FRMPD4: variants seen among roughly 807,000 people sequenced by gnomAD.
FRMPD4 encodes the protein FERM and PDZ domain containing 4, also known as FERM and PDZ domain-containing protein 4.
In FRMPD4, 22 loss-of-function variants were observed where a neutral mutation model predicts 94.1. The ratio of observed to expected loss-of-function variants is 0.23; its 90% CI spans 0.17 to 0.33. FRMPD4 has a LOEUF of 0.33. FRMPD4 is among the 10% of genes least tolerant of loss of function. The pLI is 1.00. For synonymous variants in FRMPD4, 631 were observed against 548.6 expected, an observed-to-expected ratio of 1.15 and a Z score of -2.10; for missense variants, 1,111 against 1,339.9, an observed-to-expected ratio of 0.83 and a Z score of 2.67.
At chrX:12,388,111 G>A (rs778968257) in intron 1 of FRMPD4, among the ~76,000 whole-genome samples, 1 of 111,342 alleles carries the variant, frequency 9.0e-6, no homozygotes, top group African/African-American at 3.3e-5. Context: ...GTATTCACTG[G>A]GAAGGCATAA....
chrX:12,099,674 G>A (rs1012760031), intron 3 of FRMPD4, among the ~76,000 whole-genome samples: 12 of 112,244 alleles, frequency 1.1e-4, no homozygotes, highest in Non-Finnish European at 2.1e-4. Context: ...TTTGGACACT[G>A]TATTACGGAA....
intron 1 of FRMPD4, among the ~76,000 whole-genome samples, chrX:12,164,782 C>A (rs909901771): frequency 1.8e-5 from 2 of 112,525 alleles, no homozygotes; most frequent in Non-Finnish European, 3.8e-5. Context: ...TTTTGATTTG[C>A]ATTTCTCTGA....
intron 1 of FRMPD4, among the ~76,000 whole-genome samples, chrX:12,422,862 T>C (rs1437193663): frequency 9.0e-6 from 1 of 111,709 alleles, no homozygotes; most frequent in Admixed American, 9.5e-5. Context: ...CTTGCACCTG[T>C]TAAAAGGCAG....
chrX:11,873,736 A>G (rs766946612), intron 2 of FRMPD4, among the ~76,000 whole-genome samples: 2 of 110,664 alleles, frequency 1.8e-5, no homozygotes, highest in African/African-American at 6.6e-5. Flanking sequence ...GAAGAAATTA[A>G]CAAGCTAATT....
At chrX:12,056,168 G>A (rs1225204449) in intron 3 of FRMPD4, among the ~76,000 whole-genome samples, 3 of 112,086 alleles carry the variant, frequency 2.7e-5, no homozygotes, top group African/African-American at 9.7e-5. Context: ...CCATTTGCCA[G>A]CAGAAGCTTT....
chrX:11,894,393 C>A (rs2053891222), intron 3 of FRMPD4, among the ~76,000 whole-genome samples: 1 of 112,342 alleles, frequency 8.9e-6, no homozygotes, highest in African/African-American at 3.2e-5. Context: ...TGTTTAGTCT[C>A]CAAATAGGGC....
chrX:12,079,042 C>T (rs2055042124), intron 3 of FRMPD4, among the ~76,000 whole-genome samples: 1 of 111,190 alleles, frequency 9.0e-6, no homozygotes, highest in Non-Finnish European at 1.9e-5. Context: ...TGTGAGTCTC[C>T]CACTGCATTA....
chrX:12,147,200 C>T (rs2055781011), intron 1 of FRMPD4, among the ~76,000 whole-genome samples: 1 of 112,077 alleles, frequency 8.9e-6, no homozygotes, highest in Admixed American at 9.4e-5. Flanking sequence ...TTCCATGTGA[C>T]ATTATAGTTC....
chrX:12,637,840 G>A (rs182504107), intron 4 of FRMPD4, among the ~76,000 whole-genome samples: 14 of 111,892 alleles, frequency 1.3e-4, no homozygotes, highest in Non-Finnish European at 1.9e-4. Context: ...GCCATCAACT[G>A]GATACACAGG....
intron 2 of FRMPD4, among the ~76,000 whole-genome samples, chrX:12,511,117 C>T (rs866773152): frequency 4.5e-5 from 5 of 111,677 alleles, no homozygotes; most frequent in Non-Finnish European, 9.4e-5. Context: ...GAATCTATCG[C>T]GGAGCTAATC....
intron 3 of FRMPD4, among the ~76,000 whole-genome samples, chrX:12,610,455 A>G (rs996681469): frequency 8.9e-6 from 1 of 112,892 alleles, no homozygotes; most frequent in African/African-American, 3.2e-5. Context: ...GGCTATAAGA[A>G]GAGAGTTTTT....
chrX:12,479,367 C>CACATATACATATATACACATATAT (rs1555971373), intron 1 of FRMPD4, among the ~76,000 whole-genome samples: 2 of 19,784 alleles, frequency 1.0e-4, no homozygotes, highest in Non-Finnish European at 2.3e-4. Context: ...CACACACACA[C>CACATATACATATATACACATATAT]ATATACATAT....
At chrX:11,875,521 A>G (rs906297178) in intron 2 of FRMPD4, among the ~76,000 whole-genome samples, 5 of 111,640 alleles carry the variant, frequency 4.5e-5, no homozygotes, top group African/African-American at 1.6e-4. Flanking sequence ...TCTCAAGTGG[A>G]GCTCCCCGAC....
intron 3 of FRMPD4, among the ~76,000 whole-genome samples, chrX:12,041,858 T>A (rs920434212): frequency 1.8e-5 from 2 of 111,896 alleles, no homozygotes; most frequent in African/African-American, 6.5e-5. Flanking sequence ...TTAAATTGGA[T>A]AATTTCCATT....
chrX:12,621,380 G>A (rs1196628565), intron 4 of FRMPD4, among the ~76,000 whole-genome samples: 3 of 111,005 alleles, frequency 2.7e-5, no homozygotes, highest in African/African-American at 9.9e-5. Flanking sequence ...GCTTCAATAA[G>A]CAGCCCCTAA....
intron 4 of FRMPD4, among the ~76,000 whole-genome samples, chrX:12,642,657 T>A (rs996677932): frequency 8.9e-6 from 1 of 112,915 alleles, no homozygotes; most frequent in African/African-American, 3.2e-5. Flanking sequence ...ATCCCAAAAC[T>A]TTGGAAGGCC....
intron 1 of FRMPD4, among the ~76,000 whole-genome samples, chrX:11,858,640 C>A (rs1424505162): frequency 1.8e-5 from 2 of 111,129 alleles, no homozygotes; most frequent in African/African-American, 6.5e-5. Flanking sequence ...ATCTGTACAA[C>A]AAACCCCCAT....
chrX:12,584,943 CAG>C (rs2058909877), intron 2 of FRMPD4, among the ~76,000 whole-genome samples: 1 of 111,429 alleles, frequency 9.0e-6, no homozygotes, highest in African/African-American at 3.3e-5. Context: ...TTTTTTGAGG[CAG>C]AGTCTCACTG....
chrX:12,452,790 A>G (rs776198155), intron 1 of FRMPD4, among the ~76,000 whole-genome samples: 30 of 111,754 alleles, frequency 2.7e-4, no homozygotes, highest in Non-Finnish European at 5.1e-4. Context: ...TAAAATTGCT[A>G]CTTCTAAAAA....
Sources: allele counts gnomAD v4.1 joint callset (sites outside exome capture counted in the v4.1 genomes callset), GRCh38; gene constraint gnomAD v4.1.1; transcripts MANE v1.5; gene names NCBI Gene and HGNC (gene_info 2026-07-23, HGNC 2026-07-21).